The following RNPS1 variants were observed in gnomAD, a reference collection of about 807,000 sequenced individuals.
The protein encoded by RNPS1 is RNA binding protein with serine rich domain 1.
For synonymous variants in RNPS1, 147 were observed against 150.0 expected, an observed-to-expected ratio of 0.98 and a Z score of 0.15; for missense variants, 300 against 427.6, an observed-to-expected ratio of 0.70 and a Z score of 2.63.
At chr16:2,262,045 T>G (rs899866531) in intron 6 of RNPS1, among the ~76,000 whole-genome samples, 1 of 152,250 alleles carries the variant, frequency 6.6e-6, no homozygotes, top group Admixed American at 6.5e-5. Context: ...TGCAACTGGT[T>G]GCAGAAATAA....
intron 6 of RNPS1, chr16:2,257,162 G>A (rs1451053120): frequency 6.6e-6 from 1 of 152,174 alleles, no homozygotes; most frequent in Non-Finnish European, 1.5e-5. Context: ...AGGAAATAGA[G>A]GTGCAAACCC....
chr16:2,256,124 TC>T, intron 6 of RNPS1: 1 of 184,466 alleles, frequency 5.4e-6, no homozygotes, highest in Admixed American at 5.6e-5. Flanking sequence ...AAACTCCGTC[TC>T]AAAAAAAAAA....
chr16:2,268,008 G>A (rs1282427867), intron 1 of RNPS1, 47 bp downstream of exon 1: 29 of 1,533,448 alleles, frequency 1.9e-5, no homozygotes, highest in African/African-American at 5.5e-5. Context: ...CGGGCCTGCC[G>A]GGCAGCCCCC....
At chr16:2,264,800 G>A (rs1012313328) in intron 1 of RNPS1, 40 bp from the exon 2 acceptor site, 2 of 1,433,822 alleles carry the variant, frequency 1.4e-6, no homozygotes, top group African/African-American at 2.9e-5. Context: ...TGAACGAATT[G>A]GCAAGGCAAC....
At chr16:2,255,830 A>G in intron 6 of RNPS1, 104 bp from the exon 7 acceptor site, 1 of 1,299,940 alleles carries the variant, frequency 7.7e-7, no homozygotes, top group East Asian at 2.5e-5. Flanking sequence ...ACAATGTAAG[A>G]TAATCACAGA....
chr16:2,266,741 C>T (rs2093626633), intron 1 of RNPS1: 2 of 983,590 alleles, frequency 2.0e-6, no homozygotes, highest in Non-Finnish European at 2.4e-6. Context: ...GAGCCACAAG[C>T]ATCACCTGAA....
At chr16:2,260,576 T>C (rs2093599060) in intron 6 of RNPS1, among the ~76,000 whole-genome samples, 1 of 152,158 alleles carries the variant, frequency 6.6e-6, no homozygotes, top group African/African-American at 2.4e-5. Flanking sequence ...CATGCCACTT[T>C]CTAATGGACA....
intron 7 of RNPS1, among the ~76,000 whole-genome samples, chr16:2,255,307 C>T (rs1031193151): frequency 6.6e-6 from 1 of 152,250 alleles, no homozygotes; most frequent in Non-Finnish European, 1.5e-5. Context: ...GGTGGGCCTG[C>T]ACCTGGGCTC....
chr16:2,262,727 C>T lies in RNPS1; in HGVS notation c.522+13G>A, dbSNP rs761479672. ...ACACCCCACTGCCCACAGGAGAGAT[C>T]CATGATCCTCACCTTTGTCACATTC... On this transcript the variant is annotated intron_variant, in intron 5 of 7. Coordinates refer to ENST00000320225, the MANE Select transcript of RNPS1 (RefSeq NM_080594.4). 1.1e-5 allele frequency: 18 copies of T among 1,607,690 alleles called. 1 individual carries two copies. In the South Asian group the frequency reaches 1.8e-4, roughly 16 times the overall value.
intron 1 of RNPS1, chr16:2,266,049 A>C: frequency 1.1e-6 from 1 of 914,642 alleles, no homozygotes; most frequent in South Asian, 5.0e-5. Context: ...GGCTCTGCAC[A>C]AGCTGCAGGA....
rs538153652 is a variant in RNPS1, at chr16:2,255,439, C to G, written c.818+146G>C. 1.6e-4 allele frequency: 147 copies of G among 919,220 alleles called. 3 individuals carry two copies. The South Asian group carries it at 2.3e-3, about 14-fold the overall frequency. 56.9% of individuals were successfully genotyped at this position (919,220 alleles called of 1,614,324 possible). The stretch of plus-strand genomic sequence containing the variant: ...TTACTGCAGCTGTGGCCCTCCTGCT[C>G]TCTCCATGAGCTCTGAAGGGCTCCT... On this transcript the variant is annotated intron_variant, in intron 7 of 7. Coordinates refer to ENST00000320225, the MANE Select transcript of RNPS1 (RefSeq NM_080594.4).
intron 6 of RNPS1, chr16:2,256,576 T>C (rs1391599632): frequency 2.0e-5 from 3 of 149,620 alleles, no homozygotes; most frequent in African/African-American, 7.4e-5. Flanking sequence ...AAAAGAAAAG[T>C]AAAGAATGTG....
chr16:2,266,360 C>A, intron 1 of RNPS1: 1 of 985,368 alleles, frequency 1.0e-6, no homozygotes, highest in Non-Finnish European at 1.2e-6. Context: ...GCAGATAGTG[C>A]CTCGACACTC....
At chr16:2,255,538 A>G (rs155243) in intron 7 of RNPS1, 47 bp downstream of exon 7, 618,060 of 1,530,308 alleles carry the variant, frequency 0.4, 126,633 homozygotes, top group Admixed American at 0.52. Context: ...CTGCGGTCAC[A>G]TGAGGTTTGT....
intron 6 of RNPS1, among the ~76,000 whole-genome samples, chr16:2,259,109 G>A (rs2093591257): frequency 1.6e-5 from 2 of 125,052 alleles, no homozygotes; most frequent in East Asian, 2.2e-4. Flanking sequence ...GGCAACAAGA[G>A]CAGAAAAAAG....
At chr16:2,259,219 G>A (rs1596804232) in intron 6 of RNPS1, among the ~76,000 whole-genome samples, 1 of 151,722 alleles carries the variant, frequency 6.6e-6, no homozygotes, top group African/African-American at 2.4e-5. Context: ...TATACAGGAA[G>A]CACTACCAAA....
chr16:2,262,624 C>A, intron 5 of RNPS1, 116 bp downstream of exon 5: 1 of 1,038,898 alleles, frequency 9.6e-7, no homozygotes, highest in South Asian at 1.4e-5. Flanking sequence ...CAATGCTGTA[C>A]TCAAACCACA....
rs2093610229 is a variant in RNPS1 at position 2,263,149 on chromosome 16, G to A, written c.366C>T (p.Gly122=). Reference sequence around the variant, plus strand: ...GTCTGCGCCGAGAAGGACTTGGAGAGCCAGAAGAGCTGCTAGAGCTGGAGC... The same window carrying A: ...GTCTGCGCCGAGAAGGACTTGGAGAACCAGAAGAGCTGCTAGAGCTGGAGC... The part of the protein sequence containing the change: ...SRSSSSSSSS[G]SPSPSRRRHD... Residue 122 remains glycine (G), a synonymous_variant, in exon 4 of 8, where the codon GGC becomes GGT. Coordinates refer to ENST00000320225, the MANE Select transcript of RNPS1 (RefSeq NM_080594.4). 1 of 1,613,642 alleles carries A rather than the reference G, an allele frequency of 6.2e-7. No individual in the cohort carries two copies. Among genetic ancestry groups the A allele is most frequent in the African/African-American group, 1.3e-5 (1 of 74,908 alleles).
intron 6 of RNPS1, among the ~76,000 whole-genome samples, chr16:2,259,587 A>AG (rs1389830085): frequency 6.6e-6 from 1 of 152,088 alleles, no homozygotes; most frequent in Non-Finnish European, 1.5e-5. Flanking sequence ...AACATTCAGG[A>AG]CTCTTAAAGA....
Sources: allele counts gnomAD v4.1 joint callset (sites outside exome capture counted in the v4.1 genomes callset), GRCh38; gene constraint gnomAD v4.1.1; transcripts MANE v1.5; gene names NCBI Gene and HGNC (gene_info 2026-07-23, HGNC 2026-07-21).